The following ADAM7 variants were observed in gnomAD, a reference collection of about 807,000 sequenced individuals.
ADAM7 encodes disintegrin and metalloproteinase domain-containing protein 7.
In ADAM7, 97 loss-of-function variants were observed where a neutral mutation model predicts 102.9. That is an observed-to-expected ratio of 0.94 (90% CI 0.80 to 1.12). The LOEUF is 1.12. Among genes scored for constraint, ADAM7 ranks in the 50% most tolerant of loss-of-function variants. The pLI, the probability that ADAM7 is intolerant of heterozygous loss-of-function variation, is 0.00. For synonymous variants in ADAM7, 334 were observed against 304.4 expected (o/e 1.10, Z -1.01); for missense variants, 991 against 908.7 (o/e 1.09, Z -1.16).
intron 3 of ADAM7, among the ~76,000 whole-genome samples, chr8:24,453,672 A>C (rs2129376581): frequency 6.6e-6 from 1 of 152,302 alleles, no homozygotes; most frequent in South Asian, 2.1e-4. Context: ...TTCTCCATTC[A>C]GCTTTATTCC....
At chr8:24,500,072 G>A (rs1820702664) in intron 17 of ADAM7, 106 bp from the exon 18 acceptor site, 4 of 867,766 alleles carry the variant, frequency 4.6e-6, no homozygotes, top group Admixed American at 5.7e-5. Flanking sequence ...TCGCGCTTGT[G>A]CTTGTGTGCA....
intron 16 of ADAM7, among the ~76,000 whole-genome samples, chr8:24,493,573 T>G (rs1008361383): frequency 6.6e-6 from 1 of 152,200 alleles, no homozygotes; most frequent in Non-Finnish European, 1.5e-5. Flanking sequence ...CACTCATATT[T>G]ACTAGCCATA....
intron 3 of ADAM7, among the ~76,000 whole-genome samples, chr8:24,458,145 T>C (rs1251121506): frequency 6.6e-6 from 1 of 152,176 alleles, no homozygotes; most frequent in East Asian, 1.9e-4. Context: ...CTAATCAGAA[T>C]TGTTTATTTA....
At chr8:24,496,804 G>A (rs903624644) in intron 16 of ADAM7, among the ~76,000 whole-genome samples, 2 of 152,172 alleles carry the variant, frequency 1.3e-5, no homozygotes, top group Admixed American at 1.3e-4. Context: ...GATTTTACAG[G>A]ATTTTAGGTG....
intron 7 of ADAM7, among the ~76,000 whole-genome samples, 199 bp downstream of exon 7, chr8:24,469,019 C>T (rs1341645578): frequency 2.0e-5 from 3 of 151,918 alleles, no homozygotes; most frequent in Admixed American, 2.0e-4. Flanking sequence ...AATAGAACAC[C>T]CCTCCCCATT....
intron 8 of ADAM7, among the ~76,000 whole-genome samples, chr8:24,480,513 C>T (rs1819912977): frequency 1.3e-5 from 2 of 152,188 alleles, no homozygotes; most frequent in African/African-American, 4.8e-5. Context: ...CACAACATTC[C>T]AAATGTGTGT....
Position 24,465,856 on chromosome 8 carries a change from A to T in ADAM7, c.389+81A>T, listed in dbSNP as rs139763008. ...AAGTTAACTTTGTTGATTTTGTTTT[A>T]TCACTCCTGGTATATAGAAAAATTA... On this transcript the variant is annotated intron_variant, in intron 5 of 21. Transcript: ENST00000175238. The T allele has an allele frequency of 7.8e-4, 878 of 1,124,538 alleles. 7 individuals are homozygous for T. The African/African-American group carries it at 0.013, about 16-fold the overall frequency. 69.7% of individuals were successfully genotyped at this position (1,124,538 alleles called of 1,614,324 possible). A position where few individuals can be genotyped will look rare whatever the true frequency, so the allele number is the denominator to read the frequency against.
At chr8:24,457,854 ATGTGTGTGAG>A (rs901380810) in intron 3 of ADAM7, among the ~76,000 whole-genome samples, 1 of 115,076 alleles carries the variant, frequency 8.7e-6, no homozygotes. Context: ...GTATGTGCAT[ATGTGTGTGAG>A]TGTGTGTGTG....
intron 7 of ADAM7, among the ~76,000 whole-genome samples, chr8:24,476,225 T>C (rs1179688731): frequency 6.6e-6 from 1 of 152,166 alleles, no homozygotes; most frequent in Admixed American, 6.5e-5. Context: ...ATACTACACC[T>C]AAGAATGTCT....
chr8:24,444,508 C>T (rs572482167), intron 2 of ADAM7, among the ~76,000 whole-genome samples: 1 of 152,006 alleles, frequency 6.6e-6, no homozygotes, highest in South Asian at 2.1e-4. Flanking sequence ...TCAGGTTTAA[C>T]ACTTGCTAAG....
At chr8:24,467,070 A>T in intron 6 of ADAM7, 82 bp downstream of exon 6, 1 of 1,322,942 alleles carries the variant, frequency 7.6e-7, no homozygotes, top group East Asian at 2.3e-5. Flanking sequence ...GTATGAGTCC[A>T]GTTACTGAAA....
In ADAM7 at chr8:24,466,678, T is replaced by C. The variant is rs17052016; in HGVS notation, c.390-121T>C. ...CACATTTCCTTACCACTGAAAGCAC[T>C]CTCCTACCTGTTCATGAAGCACTGG... On this transcript the variant is annotated intron_variant, in intron 5 of 21. Coordinates refer to ENST00000175238, the MANE Select transcript of ADAM7 (RefSeq NM_003817.4). 5,677 of 804,756 alleles carry C rather than the reference T, an allele frequency of 7.1e-3. 237 individuals are homozygous for C. In the African/African-American group the frequency reaches 0.089, roughly 13 times the overall value. The allele number at this position is 804,756 out of a possible 1,614,324, so 49.9% of individuals were successfully genotyped here.
chr8:24,446,883 T>C lies in ADAM7; in HGVS notation c.157-303T>C, dbSNP rs577457622. Among the ~76,000 whole-genome samples, 3 of 148,912 alleles carry C rather than the reference T, an allele frequency of 2.0e-5. No homozygotes were observed. In the South Asian group the frequency reaches 6.3e-4, roughly 31 times the overall value. On this transcript the variant is annotated intron_variant, in intron 2 of 21. Coordinates refer to ENST00000175238, the MANE Select transcript of ADAM7 (RefSeq NM_003817.4). Reference sequence around the variant, plus strand: ...AACTATATTATAACATGCTATGTTATAATATAAATAGTTGTAATATAACTA... The same window carrying C: ...AACTATATTATAACATGCTATGTTACAATATAAATAGTTGTAATATAACTA...
In ADAM7 at chr8:24,466,797, A is replaced by G. The variant is rs1424508201; in HGVS notation, c.390-2A>G. On this transcript the variant is annotated splice_acceptor_variant, in intron 5 of 21. Coordinates refer to ENST00000175238, the MANE Select transcript of ADAM7 (RefSeq NM_003817.4). LOFTEE classifies it high-confidence loss of function. ...TACAAATTGTGTTCCCAATTTCTAC[A>G]GGGGATTCTTCAGAATAAACGACCA... 1 of 1,609,848 alleles carries G rather than the reference A, an allele frequency of 6.2e-7. No individual in the cohort carries two copies. The highest frequency in any genetic ancestry group is 8.5e-7 in the Non-Finnish European group (1 of 1,178,642).
intron 7 of ADAM7, among the ~76,000 whole-genome samples, chr8:24,474,517 A>G (rs13275040): frequency 0.22 from 32,772 of 152,006 alleles, 4,284 homozygotes; most frequent in Middle Eastern, 0.36. Context: ...TAAATCATCC[A>G]TTTTCATTAG....
At chr8:24,478,559 G>A (rs1421017197) in intron 8 of ADAM7, among the ~76,000 whole-genome samples, 4 of 152,098 alleles carry the variant, frequency 2.6e-5, no homozygotes, top group Middle Eastern at 3.2e-3. Flanking sequence ...TCCTGCCCAC[G>A]TTGAAAGGGA....
Position 24,466,837 on chromosome 8 carries a change from A to G in ADAM7, c.428A>G (p.Glu143Gly), listed in dbSNP as rs1819442816. 6.2e-7 allele frequency: 1 copy of G among 1,613,942 alleles called. No individual in the cohort carries two copies. Among genetic ancestry groups the G allele is most frequent in the Non-Finnish European group, 8.5e-7 (1 of 1,179,930 alleles). ...FRINDQRYLI[E>G]PVKYSDEGEH... ...ATAAACGACCAAAGATACCTCATTG[A>G]ACCAGTGAAATACTCAGATGAGGGA... The change falls in exon 6 of 22, where the codon GAA becomes GGA. Residue 143 changes from glutamate (E) to glycine (G), a missense_variant. Glu to Gly is a moderately conservative substitution (Grantham distance 98, BLOSUM62 -2). Coordinates refer to ENST00000175238, the MANE Select transcript of ADAM7 (RefSeq NM_003817.4).
At chr8:24,450,295 T>C (rs1395352885) in intron 3 of ADAM7, among the ~76,000 whole-genome samples, 2 of 152,194 alleles carry the variant, frequency 1.3e-5, no homozygotes, top group African/African-American at 4.8e-5. Context: ...TGGAATGTTC[T>C]TCCATTTCTT....
intron 3 of ADAM7, among the ~76,000 whole-genome samples, chr8:24,453,253 C>G (rs1204803696): frequency 1.3e-5 from 2 of 151,808 alleles, no homozygotes; most frequent in African/African-American, 4.9e-5. Context: ...TGTTTTCCAA[C>G]TTGGTTCCAT....
Sources: allele counts gnomAD v4.1 joint callset (sites outside exome capture counted in the v4.1 genomes callset), GRCh38; gene constraint gnomAD v4.1.1; transcripts MANE v1.5; gene names NCBI Gene and HGNC (gene_info 2026-07-23, HGNC 2026-07-21).